CCDC88A: variants seen among roughly 807,000 people sequenced by gnomAD.
CCDC88A encodes girdin.
In CCDC88A, 54 loss-of-function variants were observed where a neutral mutation model predicts 234.3. The ratio of observed to expected loss-of-function variants is 0.23; its 90% CI spans 0.19 to 0.29. CCDC88A has a LOEUF of 0.29. Ranked by LOEUF, CCDC88A falls within the 10% of genes least tolerant of loss-of-function variation. CCDC88A has a pLI of 1.00. For missense variants in CCDC88A, 1,832 were observed against 2,123.4 expected, an observed-to-expected ratio of 0.86 and a Z score of 2.70; for synonymous variants, 753 against 737.8, an observed-to-expected ratio of 1.02 and a Z score of -0.33.
chr2:55,358,779 A>G (rs12991861), intron 7 of CCDC88A, among the ~76,000 whole-genome samples: 42,553 of 128,234 alleles, frequency 0.33, 6,204 homozygotes, highest in East Asian at 0.59. Flanking sequence ...CAACCCAGGG[A>G]AAAAAAAAAT....
At chr2:55,366,452 A>G (rs1055645494) in intron 5 of CCDC88A, among the ~76,000 whole-genome samples, 1 of 151,778 alleles carries the variant, frequency 6.6e-6, no homozygotes, top group Non-Finnish European at 1.5e-5. Context: ...GCTTGAACCC[A>G]GGAGGCGGAG....
Position 55,303,112 on chromosome 2 carries a change from C to T in CCDC88A, c.4428G>A (p.Pro1476=), listed in dbSNP as rs766978878. ...AGGCCTTCATTTTGTCTTTATCCTTCGGTCTGTTCCTCAAAAAGGGCAGTC... is the reference window on the plus strand; with the variant it reads ...AGGCCTTCATTTTGTCTTTATCCTTTGGTCTGTTCCTCAAAAAGGGCAGTC... ...LKRLPFLRNR[P]KDKDKMKACY... The change falls in exon 26 of 33, where the codon CCG becomes CCA. Residue 1476 remains proline (P), a synonymous_variant. Transcript: ENST00000436346. The T allele has an allele frequency of 4.5e-6, 7 of 1,551,538 alleles. No homozygotes were observed. The highest frequency in any genetic ancestry group is 2.0e-5 in the Admixed American group (1 of 50,978).
chr2:55,321,061 G>A (rs10201075), intron 18 of CCDC88A: 10,489 of 149,390 alleles, frequency 0.07, 1,175 homozygotes, highest in African/African-American at 0.24. Flanking sequence ...AGTGAGCTAT[G>A]ATCTCGCCAC....
chr2:55,354,552 T>C lies in CCDC88A; in HGVS notation c.800+1027A>G, dbSNP rs1023141824. Among the ~76,000 whole-genome samples the C allele has an allele frequency of 4.0e-5, 6 of 151,566 alleles. No individual in the cohort carries two copies. The East Asian group carries it at 9.8e-4, about 25-fold the overall frequency. On this transcript the variant is annotated intron_variant, in intron 8 of 32. Coordinates refer to ENST00000436346, the MANE Select transcript of CCDC88A (RefSeq NM_001365480.1). The stretch of plus-strand genomic sequence containing the variant: ...TGTACAAAAATATTTTCTTTCTTTA[T>C]ATCCTTATGCTTTTTTTCTTTCTTT...
At chr2:55,294,242 T>G in intron 31 of CCDC88A, 1 of 932,158 alleles carries the variant, frequency 1.1e-6, no homozygotes, top group Non-Finnish European at 1.3e-6. Flanking sequence ...TTGTATTAAC[T>G]GATTTCAAGT....
chr2:55,326,696 G>A (rs575913554), intron 17 of CCDC88A, among the ~76,000 whole-genome samples: 1 of 152,132 alleles, frequency 6.6e-6, no homozygotes, highest in Non-Finnish European at 1.5e-5. Context: ...CTGGGTAGCT[G>A]GCTGGGATTA....
chr2:55,364,101 C>T, intron 5 of CCDC88A, 68 bp from the exon 6 acceptor site: 1 of 704,376 alleles, frequency 1.4e-6, no homozygotes, highest in Non-Finnish European at 2.3e-6. Context: ...TTATATATAA[C>T]TAAAACTTTA....
rs1174597362 is a variant in CCDC88A at position 55,366,532 on chromosome 2, CAT to C, written c.403-2501_403-2500del. ...ACAGAGCAAGACTCTGTCACACACA[CAT>C]ACACACACACACACACACACACACA... On this transcript the variant is annotated intron_variant, in intron 5 of 32. Transcript: ENST00000436346. Among the ~76,000 whole-genome samples, 262 of 112,346 alleles carry C rather than the reference CAT, an allele frequency of 2.3e-3. 1 individual carries two copies. The highest frequency in any genetic ancestry group is 4.8e-3 in the Middle Eastern group (1 of 210). 73.7% of individuals were successfully genotyped at this position (112,346 alleles called of 152,430 possible).
intron 17 of CCDC88A, among the ~76,000 whole-genome samples, chr2:55,324,643 C>A (rs1684036459): frequency 6.6e-6 from 1 of 150,468 alleles, no homozygotes; most frequent in Admixed American, 6.6e-5. Flanking sequence ...AGCATTATCA[C>A]CTTCTTTTTC....
At chr2:55,321,543 C>T (rs1255588610) in intron 18 of CCDC88A, among the ~76,000 whole-genome samples, 2 of 150,434 alleles carry the variant, frequency 1.3e-5, no homozygotes, top group Non-Finnish European at 1.5e-5. Context: ...CAAAGTGAGA[C>T]TCCGTCTCAA....
intron 2 of CCDC88A, among the ~76,000 whole-genome samples, chr2:55,395,031 A>G (rs573489084): frequency 5.7e-4 from 87 of 151,948 alleles, no homozygotes; most frequent in Middle Eastern, 3.4e-3. Flanking sequence ...TTTTTAGGAG[A>G]GATGGGTTTT....
chr2:55,331,348 GAATA>G (rs1288924813), intron 16 of CCDC88A, among the ~76,000 whole-genome samples: 1 of 152,058 alleles, frequency 6.6e-6, no homozygotes, highest in African/African-American at 2.4e-5. Context: ...CTGATTGCTA[GAATA>G]AATGCCTCAA....
intron 2 of CCDC88A, among the ~76,000 whole-genome samples, chr2:55,395,740 A>T (rs1194722644): frequency 2.0e-5 from 3 of 152,250 alleles, no homozygotes; most frequent in Non-Finnish European, 4.4e-5. Context: ...GTTGACTAAT[A>T]GAGTCCTAAA....
intron 2 of CCDC88A, among the ~76,000 whole-genome samples, chr2:55,410,198 G>C (rs997476981): frequency 6.6e-6 from 1 of 152,202 alleles, no homozygotes; most frequent in African/African-American, 2.4e-5. Flanking sequence ...GGGCCAAGGA[G>C]TACTTGTTTG....
At position 55,296,414 on chromosome 2, in the gene CCDC88A, G is replaced by A; in HGVS notation, c.4935C>T (p.Tyr1645=). The change falls in exon 30 of 33, where the codon TAC becomes TAT. Residue 1645 remains tyrosine, a synonymous_variant. Coordinates refer to ENST00000436346, the MANE Select transcript of CCDC88A (RefSeq NM_001365480.1). ...WSSSGSSPIQ[Y]LKRQTRSSPV... ...GGCTTGATCTGGTCTGTCTTTTCAA[G>A]TACTGGATTGGACTGCTACCACTGC... The A allele has an allele frequency of 6.2e-7, 1 of 1,614,202 alleles. No individual in the cohort carries two copies. The highest frequency in any genetic ancestry group is 8.5e-7 in the Non-Finnish European group (1 of 1,180,038).
chr2:55,375,369 A>G (rs1286118168), intron 3 of CCDC88A, among the ~76,000 whole-genome samples: 1 of 151,490 alleles, frequency 6.6e-6, no homozygotes, highest in Non-Finnish European at 1.5e-5. Context: ...ATTAAGAAAC[A>G]TTCCTCAATA....
intron 8 of CCDC88A, among the ~76,000 whole-genome samples, chr2:55,352,322 C>CT (rs1484677380): frequency 6.6e-6 from 1 of 151,724 alleles, no homozygotes; most frequent in African/African-American, 2.4e-5. Flanking sequence ...CCCAGCTACT[C>CT]AGGAGGCTGA....
At chr2:55,367,596 A>T (rs990062761) in intron 5 of CCDC88A, among the ~76,000 whole-genome samples, 1 of 137,764 alleles carries the variant, frequency 7.3e-6, no homozygotes, top group African/African-American at 2.8e-5. Context: ...CACAGGCATG[A>T]TCATACCATA....
chr2:55,303,748 A>T (rs1200568187), intron 25 of CCDC88A, among the ~76,000 whole-genome samples: 1 of 152,178 alleles, frequency 6.6e-6, no homozygotes, highest in African/African-American at 2.4e-5. Context: ...GATTAGAATT[A>T]TTTATGCAGG....
Sources: gnomAD v4.1 joint callset for allele counts (sites outside exome capture counted in the v4.1 genomes callset) on GRCh38, gnomAD v4.1.1 for gene constraint, MANE v1.5 for transcripts, NCBI Gene and HGNC (gene_info 2026-07-23, HGNC 2026-07-21) for gene names.